ZNF362: variants seen among roughly 807,000 people sequenced by gnomAD.
ZNF362 encodes rotund homolog.
In ZNF362, 11 loss-of-function variants were observed where a neutral mutation model predicts 42.9. That is an observed-to-expected ratio of 0.26 (90% CI 0.16 to 0.42). ZNF362 has a LOEUF of 0.42. Ranked by LOEUF, ZNF362 falls within the 20% of genes least tolerant of loss-of-function variation. The pLI is 1.00. For synonymous variants in ZNF362, 255 were observed against 257.3 expected, an observed-to-expected ratio of 0.99 and a Z score of 0.09; for missense variants, 362 against 576.2, an observed-to-expected ratio of 0.63 and a Z score of 3.81.
upstream of ZNF362, among the ~76,000 whole-genome samples, chr1:33,253,025 G>A (rs1645769519): frequency 6.6e-6 from 1 of 151,788 alleles, no homozygotes; most frequent in South Asian, 2.1e-4. Flanking sequence ...GGAACCAAAG[G>A]AAAGTGCCCT....
intron 6 of ZNF362, among the ~76,000 whole-genome samples, chr1:33,288,853 T>C (rs186660523): frequency 2.7e-5 from 4 of 149,558 alleles, no homozygotes; most frequent in East Asian, 2.1e-4. Context: ...GAAGATGCCC[T>C]ACAGAGAGAG....
At chr1:33,230,872 G>A in the ZNF362 span, among the ~76,000 whole-genome samples, 9 of 152,324 alleles carry the variant, frequency 5.9e-5, no homozygotes, top group Admixed American at 1.3e-4. Flanking sequence ...TCGAAGCTCA[G>A]AGATGCTCAG....
the ZNF362 span, among the ~76,000 whole-genome samples, chr1:33,208,516 T>A: frequency 1.3e-5 from 2 of 152,158 alleles, no homozygotes; most frequent in African/African-American, 4.8e-5. Flanking sequence ...TAAATTACCT[T>A]GTGCAGTATG....
intron 6 of ZNF362, among the ~76,000 whole-genome samples, chr1:33,292,201 G>A (rs1646083467): frequency 6.6e-6 from 1 of 152,092 alleles, no homozygotes; most frequent in Non-Finnish European, 1.5e-5. Context: ...ATTGGCTGTG[G>A]GTTTGTCATA....
chr1:33,257,390 G>GTTTGC (rs1239314368), intron 1 of ZNF362, among the ~76,000 whole-genome samples: 3 of 150,604 alleles, frequency 2.0e-5, no homozygotes, highest in African/African-American at 7.3e-5. Flanking sequence ...AACTCCGAAA[G>GTTTGC]TTTGCTTTGC....
chr1:33,129,732 T>C, the ZNF362 span, among the ~76,000 whole-genome samples: 1 of 152,242 alleles, frequency 6.6e-6, no homozygotes, highest in South Asian at 2.1e-4. This position sits in a 1 kb window ranked among gnomAD's most constrained non-coding sequence, Gnocchi z 4.1. Flanking sequence ...ATATCACCGA[T>C]AAAGCTCTCC....
the ZNF362 span, among the ~76,000 whole-genome samples, chr1:33,239,268 T>A: frequency 6.6e-6 from 1 of 152,188 alleles, no homozygotes; most frequent in Non-Finnish European, 1.5e-5. Context: ...TGTTCCAATG[T>A]TGTTGGCAAG....
At chr1:33,257,533 G>T (rs1645802183) in intron 1 of ZNF362, among the ~76,000 whole-genome samples, 1 of 151,444 alleles carries the variant, frequency 6.6e-6, no homozygotes, top group Non-Finnish European at 1.5e-5. Context: ...GTTAACTGCC[G>T]GTTTCCTCAG....
chr1:33,230,629 A>T, the ZNF362 span, among the ~76,000 whole-genome samples: 1 of 152,232 alleles, frequency 6.6e-6, no homozygotes, highest in African/African-American at 2.4e-5. Flanking sequence ...TGATCTGTGC[A>T]TACCTTGATG....
chr1:33,282,049 C>T (rs774102488), intron 6 of ZNF362: 6 of 558,212 alleles, frequency 1.1e-5, no homozygotes, highest in East Asian at 5.9e-5. Context: ...ACCCCTCTCC[C>T]GCTTTTCCCT....
chr1:33,286,451 G>A (rs1345452544), intron 6 of ZNF362, among the ~76,000 whole-genome samples: 1 of 151,472 alleles, frequency 6.6e-6, no homozygotes, highest in Non-Finnish European at 1.5e-5. Flanking sequence ...TTGCCAGAAT[G>A]TTCTTTGACT....
chr1:33,165,594 G>A, the ZNF362 span: 1 of 1,577,734 alleles, frequency 6.3e-7, no homozygotes, highest in East Asian at 2.3e-5. The surrounding 1 kb of genome is among the most constrained non-coding windows in gnomAD (Gnocchi z 4.0). Flanking sequence ...CCGGGATGGG[G>A]GCAGGGGCCA....
intron 4 of ZNF362, among the ~76,000 whole-genome samples, chr1:33,278,906 T>C (rs1645970247): frequency 6.6e-6 from 1 of 152,244 alleles, no homozygotes. Context: ...TTTTGTCTGA[T>C]CACAATTTTG....
chr1:33,166,528 C>T, the ZNF362 span, among the ~76,000 whole-genome samples: 1 of 152,090 alleles, frequency 6.6e-6, no homozygotes, highest in Non-Finnish European at 1.5e-5. Flanking sequence ...ATCATTTGGG[C>T]CTCTCAGTAA....
chr1:33,169,401 G>A, the ZNF362 span, among the ~76,000 whole-genome samples: 3 of 152,288 alleles, frequency 2.0e-5, no homozygotes, highest in East Asian at 1.9e-4. Context: ...CCTCTGGTTC[G>A]GTTTTTATCA....
rs762428848 is a variant in ZNF362 at position 33,280,149 on chromosome 1, G to A, written c.375G>A (p.Pro125=). 2.3e-5 allele frequency: 37 copies of A among 1,593,300 alleles called. No homozygotes were observed. Among genetic ancestry groups the A allele is most frequent in the Admixed American group, 8.5e-5 (5 of 59,094 alleles). The change falls in exon 5 of 9, where the codon CCG becomes CCA. Residue 125 remains proline (P), a synonymous_variant. Transcript: ENST00000539719. The surrounding 1 kb of genome is among the most constrained non-coding windows in gnomAD (Gnocchi z 5.6). ...GTCTGGGGCTGTCCACCCGGACCCCGTCTGTGAGCACTTCTGAGTCAAGCG... is the reference window on the plus strand; with the variant it reads ...GTCTGGGGCTGTCCACCCGGACCCCATCTGTGAGCACTTCTGAGTCAAGCG... The part of the protein sequence containing the change: ...VTGLGLSTRT[P]SVSTSESSAG...
intron 1 of ZNF362, among the ~76,000 whole-genome samples, chr1:33,268,051 G>C (rs1048920764): frequency 1.3e-5 from 2 of 152,098 alleles, no homozygotes; most frequent in African/African-American, 4.8e-5. Flanking sequence ...TTCCTATTTT[G>C]ACAGGTTAAA....
the ZNF362 span, among the ~76,000 whole-genome samples, chr1:33,193,004 CATATAT>C: frequency 6.4e-3 from 881 of 137,274 alleles, 11 homozygotes; most frequent in African/African-American, 0.022. Context: ...CACACACACA[CATATAT>C]ATATATATAT....
At chr1:33,250,908 G>A in the ZNF362 span, among the ~76,000 whole-genome samples, 1 of 97,440 alleles carries the variant, frequency 1.0e-5, no homozygotes, top group Non-Finnish European at 2.3e-5. Context: ...GAAGAAGAAG[G>A]TGCATGGTTG....
Sources: allele counts gnomAD v4.1 joint callset (sites outside exome capture counted in the v4.1 genomes callset), GRCh38; gene constraint gnomAD v4.1.1; non-coding constraint Gnocchi (gnomAD v3.1); transcripts MANE v1.5; gene names NCBI Gene and HGNC (gene_info 2026-07-23, HGNC 2026-07-21).